MON1A: variants seen among roughly 807,000 people sequenced by gnomAD.
The protein encoded by MON1A is vacuolar fusion protein MON1 homolog A.
Under a neutral mutation model 44.6 loss-of-function variants are expected in MON1A, and 29 were observed. That is an observed-to-expected ratio of 0.65 (90% CI 0.48 to 0.89). MON1A has a LOEUF of 0.89. MON1A is among the 40% of genes least tolerant of loss of function. MON1A has a pLI of 0.00. For synonymous variants in MON1A, 275 were observed against 316.4 expected (o/e 0.87, Z 1.39); for missense variants, 615 against 759.6 (o/e 0.81, Z 2.24).
At chr3:49,917,904 C>T (rs751204156) in intron 1 of MON1A, among the ~76,000 whole-genome samples, 1 of 151,582 alleles carries the variant, frequency 6.6e-6, no homozygotes, top group Non-Finnish European at 1.5e-5. Flanking sequence ...AAAAATTAGC[C>T]AGGCATGGTA....
chr3:49,928,099 G>A (rs1345842582), intron 1 of MON1A, among the ~76,000 whole-genome samples: 4 of 152,160 alleles, frequency 2.6e-5, no homozygotes, highest in Admixed American at 2.0e-4. Context: ...TACCCAGCAC[G>A]GTACCTGCAT....
chr3:49,912,966 T>C, intron 2 of MON1A: 1 of 617,772 alleles, frequency 1.6e-6, no homozygotes, highest in Non-Finnish European at 3.0e-6. Context: ...GGAGGTGCGC[T>C]GTAGACACAG....
intron 1 of MON1A, among the ~76,000 whole-genome samples, chr3:49,914,303 G>A (rs376411474): frequency 6.6e-6 from 1 of 151,638 alleles, no homozygotes; most frequent in Non-Finnish European, 1.5e-5. Flanking sequence ...GGCTGCTCTC[G>A]AACTCCCGAC....
Position 49,913,362 on chromosome 3 carries a change from G to T in MON1A, c.-13-3C>A. ...CAGTAGCCATCCTTTGAGCTCTCCT[G>T]TGGGGCAAACAAATGCAACATCGAT... On this transcript the variant is annotated splice_region_variant and splice_polypyrimidine_tract_variant and intron_variant, in intron 1 of 5. Coordinates refer to ENST00000296473, the MANE Select transcript of MON1A (RefSeq NM_032355.4). The T allele has an allele frequency of 1.2e-6, 2 of 1,604,222 alleles. No individual in the cohort carries two copies. Among genetic ancestry groups the T allele is most frequent in the Non-Finnish European group, 1.7e-6 (2 of 1,171,984 alleles).
intron 1 of MON1A, among the ~76,000 whole-genome samples, chr3:49,914,197 T>A (rs1049769701): frequency 1.3e-5 from 2 of 151,366 alleles, no homozygotes; most frequent in African/African-American, 4.9e-5. Flanking sequence ...TTCAAGAGAT[T>A]CTCCTGCCTC....
At position 49,910,035 on chromosome 3, in the gene MON1A, C is replaced by T; in HGVS notation, c.1379+84G>A. Reference sequence around the variant, plus strand: ...AAAGGTAGGGACAGCTTCAGGGCTACATCTCAGAGCTCAGGACCAAACAGC... The same window carrying T: ...AAAGGTAGGGACAGCTTCAGGGCTATATCTCAGAGCTCAGGACCAAACAGC... On this transcript the variant is annotated intron_variant, in intron 4 of 5. Coordinates refer to ENST00000296473, the MANE Select transcript of MON1A (RefSeq NM_032355.4). This position sits in a 1 kb window ranked among gnomAD's most constrained non-coding sequence, Gnocchi z 8.0. 1 of 1,445,714 alleles carries T rather than the reference C, an allele frequency of 6.9e-7. No individual in the cohort carries two copies. The highest frequency in any genetic ancestry group is 1.4e-5 in the South Asian group (1 of 72,710). 89.6% of individuals were successfully genotyped at this position (1,445,714 alleles called of 1,614,324 possible).
At position 49,910,431 on chromosome 3, in the gene MON1A, G is replaced by T; in HGVS notation, c.1067C>A (p.Ser356Ter). The change falls in exon 4 of 6, where the codon TCG becomes TAG. Residue 356 changes from serine (S) to a stop codon, truncating the protein, a stop_gained. Transcript: ENST00000296473. LOFTEE classifies it high-confidence loss of function. This position sits in a 1 kb window ranked among gnomAD's most constrained non-coding sequence, Gnocchi z 8.0. ...HLLFNLISSS[S>*]SFREGEAWTP... is the part of the protein sequence containing the mutation. ...CCAGGCCTCGCCCTCGCGAAAGGACGAGGAGGAACTAATGAGGTTGAAGAG... is the reference window on the plus strand; with the variant it reads ...CCAGGCCTCGCCCTCGCGAAAGGACTAGGAGGAACTAATGAGGTTGAAGAG... 6 of 1,614,238 alleles carry T rather than the reference G, an allele frequency of 3.7e-6. No homozygotes were observed. Among genetic ancestry groups the T allele is most frequent in the Non-Finnish European group, 5.1e-6 (6 of 1,180,042 alleles).
At chr3:49,923,331 G>A (rs1189922437) in intron 1 of MON1A, among the ~76,000 whole-genome samples, 1 of 136,180 alleles carries the variant, frequency 7.3e-6, no homozygotes, top group Non-Finnish European at 1.6e-5. Context: ...GACTCTGGGA[G>A]GGAAGGAAGG....
chr3:49,929,362 G>T (rs1423440846), intron 1 of MON1A: 1 of 579,826 alleles, frequency 1.7e-6, no homozygotes, highest in Non-Finnish European at 3.0e-6. Flanking sequence ...AGTGGGGAGA[G>T]TCCTACCTGG....
At chr3:49,917,974 G>A (rs978375902) in intron 1 of MON1A, among the ~76,000 whole-genome samples, 1 of 151,902 alleles carries the variant, frequency 6.6e-6, no homozygotes, top group Non-Finnish European at 1.5e-5. Flanking sequence ...CTTGAACCCG[G>A]GAGGCGGAAG....
chr3:49,909,265 G>A lies in MON1A; in HGVS notation c.1515C>T (p.Asn505=). 1 of 1,614,010 alleles carries A rather than the reference G, an allele frequency of 6.2e-7. No homozygotes were observed. The highest frequency in any genetic ancestry group is 1.6e-4 in the Middle Eastern group (1 of 6,062). The part of the protein sequence containing the change: ...KTIYYTGPNE[N]LLAWVTGAFE... ...AGGGCTGCCTTACCCAGGCCAGGAG[G>A]TTCTCGTTGGGGCCCGTGTAGTAAA... Residue 505 remains asparagine, a synonymous_variant, in exon 5 of 6, where the codon AAC becomes AAT. Transcript: ENST00000296473. This position sits in a 1 kb window ranked among gnomAD's most constrained non-coding sequence, Gnocchi z 4.0.
chr3:49,918,960 C>T (rs2082972379), intron 1 of MON1A, among the ~76,000 whole-genome samples: 1 of 152,096 alleles, frequency 6.6e-6, no homozygotes, highest in Non-Finnish European at 1.5e-5. Flanking sequence ...GGTGGGCAAA[C>T]CACTTGAGCC....
Position 49,911,640 on chromosome 3 carries a change from G to A in MON1A, c.499C>T (p.Pro167Ser). The A allele has an allele frequency of 6.2e-7, 1 of 1,614,142 alleles. No individual in the cohort carries two copies. The highest frequency in any genetic ancestry group is 8.5e-7 in the Non-Finnish European group (1 of 1,179,992). The change falls in exon 3 of 6, where the codon CCT (proline) becomes TCT (serine). Residue 167 changes from proline (P) to serine (S), a missense_variant. Pro to Ser is a moderately conservative substitution (Grantham distance 74). Transcript: ENST00000296473. This position sits in a 1 kb window ranked among gnomAD's most constrained non-coding sequence, Gnocchi z 5.7. Reference protein sequence around the residue: ...HVFVLSEAGKPVYSRYGSEEA... With the variant: ...HVFVLSEAGKSVYSRYGSEEA... The stretch of plus-strand genomic sequence containing the variant: ...TCAGACCCATAGCGGGAGTACACAG[G>A]CTTCCCTGCCTCACTCAGCACAAAG...
rs2108542580 is a variant in MON1A at position 49,929,652 on chromosome 3, C to T, written c.-57G>A. ...CAGGACGCACAGAAGGTGCCGGTCA[C>T]TGCCCTCTGCCGGACCCATGGAGGG... On this transcript the variant is annotated 5_prime_UTR_variant, in exon 1 of 6. In the 5' UTR this introduces an upstream ATG that the reference lacks. Transcript: ENST00000296473. The T allele has an allele frequency of 6.4e-7, 1 of 1,551,478 alleles. No homozygotes were observed. Among genetic ancestry groups the T allele is most frequent in the Non-Finnish European group, 8.7e-7 (1 of 1,146,936 alleles).
chr3:49,923,836 A>C (rs1207137613), intron 1 of MON1A: 1 of 150,296 alleles, frequency 6.7e-6, no homozygotes, highest in Non-Finnish European at 1.5e-5. Context: ...TAATCCCAGC[A>C]CTTTGGGAGG....
At chr3:49,913,001 G>T in intron 2 of MON1A, 1 of 687,606 alleles carries the variant, frequency 1.5e-6, no homozygotes, top group Non-Finnish European at 2.6e-6. Context: ...CACAATGGCA[G>T]CCAGAAAGCT....
chr3:49,921,544 G>T (rs1417746093), intron 1 of MON1A, among the ~76,000 whole-genome samples: 1 of 150,940 alleles, frequency 6.6e-6, no homozygotes, highest in Non-Finnish European at 1.5e-5. Context: ...GCTGAGGTGG[G>T]CGGATCACCA....
chr3:49,920,079 T>C (rs1441112900), intron 1 of MON1A, among the ~76,000 whole-genome samples: 1 of 152,180 alleles, frequency 6.6e-6, no homozygotes, highest in African/African-American at 2.4e-5. Context: ...CCGTAGCCTC[T>C]CCATTTCTCC....
chr3:49,909,177 T>C lies in MON1A; in HGVS notation c.1528-23A>G, dbSNP rs1380679334. 6.2e-7 allele frequency: 1 copy of C among 1,609,632 alleles called. No individual in the cohort carries two copies. The highest frequency in any genetic ancestry group is 1.3e-5 in the African/African-American group (1 of 74,692). On this transcript the variant is annotated intron_variant, in intron 5 of 5. Coordinates refer to ENST00000296473, the MANE Select transcript of MON1A (RefSeq NM_032355.4). This position sits in a 1 kb window ranked among gnomAD's most constrained non-coding sequence, Gnocchi z 4.0. The stretch of plus-strand genomic sequence containing the variant: ...CACCTGGAGAAGGGGCAAAGGGTCG[T>C]CATCTAGGTTAGAGGCCCCTCATGG...
Sources: allele counts gnomAD v4.1 joint callset (sites outside exome capture counted in the v4.1 genomes callset), GRCh38; gene constraint gnomAD v4.1.1; non-coding constraint Gnocchi (gnomAD v3.1); transcripts MANE v1.5; gene names NCBI Gene and HGNC (gene_info 2026-07-23, HGNC 2026-07-21).